The following TCF7L1 variants were observed in gnomAD, a reference collection of about 807,000 sequenced individuals.
TCF7L1 encodes transcription factor 7 like 1.
Under a neutral mutation model 63.7 loss-of-function variants are expected in TCF7L1, and 18 were observed. That is an observed-to-expected ratio of 0.28 (90% confidence interval 0.20 to 0.42). TCF7L1 has a LOEUF of 0.42. Among genes scored for constraint, TCF7L1 ranks in the 10% least tolerant of loss-of-function variants. TCF7L1 has a pLI of 1.00. For missense variants in TCF7L1, 654 were observed against 779.3 expected (o/e 0.84, Z 1.91); for synonymous variants, 355 against 340.9 (o/e 1.04, Z -0.46).
intron 3 of TCF7L1, among the ~76,000 whole-genome samples, chr2:85,221,069 G>A (rs1186018959): frequency 2.0e-5 from 3 of 152,182 alleles, no homozygotes; most frequent in Non-Finnish European, 4.4e-5. Flanking sequence ...GGGCTGCTAG[G>A]TCGGAAGGAC....
intron 3 of TCF7L1, among the ~76,000 whole-genome samples, chr2:85,169,550 A>G (rs1678499398): frequency 6.6e-6 from 1 of 152,076 alleles, no homozygotes; most frequent in Non-Finnish European, 1.5e-5. Context: ...AGGATGTATT[A>G]TCTTATAACT....
chr2:85,258,753 T>TG (rs1185643429), intron 3 of TCF7L1, among the ~76,000 whole-genome samples: 2 of 152,146 alleles, frequency 1.3e-5, no homozygotes, highest in Admixed American at 6.5e-5. Flanking sequence ...ATATTGGGGT[T>TG]GGGGGGGCTG....
intron 3 of TCF7L1, among the ~76,000 whole-genome samples, chr2:85,138,939 C>T (rs938926991): frequency 1.3e-5 from 2 of 152,038 alleles, no homozygotes; most frequent in Non-Finnish European, 2.9e-5. Flanking sequence ...GCCCTACTTA[C>T]ATTCTAATTT....
chr2:85,195,043 G>A (rs968750101), intron 3 of TCF7L1, among the ~76,000 whole-genome samples: 1 of 152,182 alleles, frequency 6.6e-6, no homozygotes, highest in African/African-American at 2.4e-5. Context: ...GTCCTTTTTC[G>A]CAGCATTTGC....
chr2:85,147,682 G>A (rs534615954), intron 3 of TCF7L1, among the ~76,000 whole-genome samples: 1 of 152,296 alleles, frequency 6.6e-6, no homozygotes, highest in South Asian at 2.1e-4. Flanking sequence ...TGCCCTTGGG[G>A]ATCCACTCAC....
At chr2:85,222,360 CAAACAAA>C (rs1679863549) in intron 3 of TCF7L1, among the ~76,000 whole-genome samples, 2 of 127,798 alleles carry the variant, frequency 1.6e-5, no homozygotes, top group Non-Finnish European at 1.7e-5. Context: ...AACAAACAAA[CAAACAAA>C]AAAAAAAACA....
intron 3 of TCF7L1, among the ~76,000 whole-genome samples, chr2:85,137,389 T>C (rs1677619197): frequency 6.6e-6 from 1 of 152,200 alleles, no homozygotes; most frequent in Non-Finnish European, 1.5e-5. Context: ...TGAGGCTCTT[T>C]AGAGAAGAGG....
chr2:85,266,438 C>G (rs1433736524), intron 3 of TCF7L1, among the ~76,000 whole-genome samples: 1 of 152,258 alleles, frequency 6.6e-6, no homozygotes, highest in Non-Finnish European at 1.5e-5. Context: ...TTACTGAGTT[C>G]ATAACTTCTT....
Position 85,155,227 on chromosome 2 carries a change from CACCAATCAGCACTCTGTAAAATGG to C in TCF7L1, c.441+20813_441+20836del, listed in dbSNP as rs1231358959. Among the ~76,000 whole-genome samples, 87 of 152,144 alleles carry C rather than the reference CACCAATCAGCACTCTGTAAAATGG, an allele frequency of 5.7e-4. 2 individuals are homozygous for C. Among genetic ancestry groups the C allele is most frequent in the Admixed American group, 3.7e-3 (56 of 15,270 alleles). On this transcript the variant is annotated intron_variant, in intron 3 of 11. Coordinates refer to ENST00000282111, the MANE Select transcript of TCF7L1 (RefSeq NM_031283.3). ...TGTCTTACGAGAGGTTTGTAAAATG[CACCAATCAGCACTCTGTAAAATGG>C]ACCAATCAGCACTCTGTAAAATGGA... is the stretch of plus-strand genomic sequence containing the variant.
chr2:85,307,782 C>G (rs1027946699), intron 11 of TCF7L1, 65 bp downstream of exon 11: 1 of 1,428,976 alleles, frequency 7.0e-7, no homozygotes. Context: ...CCTGCCCATG[C>G]TGTCTCTAGC....
chr2:85,205,293 G>A (rs1679378570), intron 3 of TCF7L1, among the ~76,000 whole-genome samples: 1 of 152,106 alleles, frequency 6.6e-6, no homozygotes, highest in South Asian at 2.1e-4. Flanking sequence ...CATAATTTAC[G>A]TTGCATTTTC....
intron 3 of TCF7L1, among the ~76,000 whole-genome samples, chr2:85,260,700 C>A (rs374025926): frequency 1.3e-5 from 2 of 151,658 alleles, no homozygotes; most frequent in South Asian, 4.2e-4. Flanking sequence ...TTTGTTAACC[C>A]GTGTGAAAGA....
intron 3 of TCF7L1, chr2:85,217,168 C>T (rs1679730312): frequency 6.6e-6 from 1 of 152,234 alleles, no homozygotes; most frequent in Non-Finnish European, 1.5e-5. Flanking sequence ...TGAAACAAGT[C>T]TGCACATTGT....
In TCF7L1 at chr2:85,220,201, G is replaced by C. The variant is rs753261962; in HGVS notation, c.442-63294G>C. ...GGACAACATTACTTCTGGGAGGGCA[G>C]ATAAATGAATGACAGATCGGATACT... On this transcript the variant is annotated intron_variant, in intron 3 of 11. Transcript: ENST00000282111. Among the ~76,000 whole-genome samples the C allele has an allele frequency of 4.3e-4, 65 of 152,160 alleles. No individual in the cohort carries two copies. In the Middle Eastern group the frequency reaches 0.01, roughly 24 times the overall value.
In TCF7L1 at chr2:85,196,135, C is replaced by T. The variant is rs946519547; in HGVS notation, c.441+61685C>T. On this transcript the variant is annotated intron_variant, in intron 3 of 11. Transcript: ENST00000282111. ...CTTCCAGAGTGGGAGGTGAACCCTG[C>T]GTCCTGCCAGGACTCATACGAGAAG... Among the ~76,000 whole-genome samples the T allele has an allele frequency of 2.6e-5, 4 of 152,160 alleles. No homozygotes were observed. In the South Asian group the frequency reaches 6.2e-4, roughly 24 times the overall value.
rs190844792 is a variant in TCF7L1 at position 85,264,113 on chromosome 2, A to G, written c.442-19382A>G. ...GACGGCCTCAGCACAGGGCCCATCC[A>G]ACTGTGGGTCTCCAGCCAATTGCAC... On this transcript the variant is annotated intron_variant, in intron 3 of 11. Coordinates refer to ENST00000282111, the MANE Select transcript of TCF7L1 (RefSeq NM_031283.3). Among the ~76,000 whole-genome samples the G allele has an allele frequency of 4.7e-3, 719 of 152,288 alleles. 7 individuals carry two copies. The highest frequency in any genetic ancestry group is 0.016 in the African/African-American group (666 of 41,564).
In TCF7L1 at chr2:85,184,131, G is replaced by T. The variant is rs905616034; in HGVS notation, c.441+49681G>T. Among the ~76,000 whole-genome samples the T allele has an allele frequency of 3.3e-5, 5 of 152,314 alleles. No homozygotes were observed. The South Asian group carries it at 1.0e-3, about 32-fold the overall frequency. ...GGCACCAGAACTGTTCACACAGTTTGGCAGATTTCATGTTAAGGAAATGAC... is the reference window on the plus strand; with the variant it reads ...GGCACCAGAACTGTTCACACAGTTTTGCAGATTTCATGTTAAGGAAATGAC... On this transcript the variant is annotated intron_variant, in intron 3 of 11. Transcript: ENST00000282111.
rs180910914 is a variant in TCF7L1 at position 85,194,082 on chromosome 2, G to T, written c.441+59632G>T. On this transcript the variant is annotated intron_variant, in intron 3 of 11. Transcript: ENST00000282111. ...GCAGAACCCTGGAAGGTGACCCCCTGGGAGTGGATGGCTGAAGACATGTGA... is the reference window on the plus strand; with the variant it reads ...GCAGAACCCTGGAAGGTGACCCCCTTGGAGTGGATGGCTGAAGACATGTGA... 1.8e-4 allele frequency among the ~76,000 whole-genome samples: 28 copies of T among 152,244 alleles called. No homozygotes were observed. In the East Asian group the frequency reaches 5.2e-3, roughly 28 times the overall value.
chr2:85,142,081 C>A (rs1053562023), intron 3 of TCF7L1, among the ~76,000 whole-genome samples: 3 of 152,050 alleles, frequency 2.0e-5, no homozygotes, highest in African/African-American at 7.2e-5. Context: ...GGAAATTTTC[C>A]CTCCTTTTAT....
Sources: gnomAD v4.1 joint callset for allele counts (sites outside exome capture counted in the v4.1 genomes callset) on GRCh38, gnomAD v4.1.1 for gene constraint, MANE v1.5 for transcripts, NCBI Gene and HGNC (gene_info 2026-07-23, HGNC 2026-07-21) for gene names.